TANGO6: variants seen among roughly 807,000 people sequenced by gnomAD.
TANGO6 encodes the protein transport and golgi organization 6 homolog.
TANGO6 carries 90 observed loss-of-function variants against 114.2 expected under a neutral mutation model. The ratio of observed to expected loss-of-function variants is 0.79; its 90% CI spans 0.66 to 0.94. The LOEUF is 0.94. Among genes scored for constraint, TANGO6 ranks in the 40% least tolerant of loss-of-function variants. The pLI is 0.00. For missense variants in TANGO6, 1,274 were observed against 1,315.3 expected (o/e 0.97, Z 0.49); for synonymous variants, 477 against 509.8 (o/e 0.94, Z 0.87).
At chr16:69,072,060 TGTGTGTGTAGAGAGAGGGAGACC>T (rs1400005051) in intron 17 of TANGO6, among the ~76,000 whole-genome samples, 26 of 142,910 alleles carry the variant, frequency 1.8e-4, no homozygotes, top group African/African-American at 5.1e-4. Context: ...TGTGTGTGTG[TGTGTGTGTAGAGAGAGGGAGACC>T]GTGTGTGTGT....
intron 11 of TANGO6, chr16:68,909,672 G>T: frequency 4.2e-6 from 1 of 238,806 alleles, no homozygotes; most frequent in Non-Finnish European, 7.9e-6. Context: ...TGTTATAGTA[G>T]TTTTCAACTT....
chr16:68,843,937 A>G (rs1961764112), intron 1 of TANGO6, among the ~76,000 whole-genome samples: 1 of 152,140 alleles, frequency 6.6e-6, no homozygotes, highest in African/African-American at 2.4e-5. Context: ...ATTAGCCAAC[A>G]TCTCTTGAGC....
intron 1 of TANGO6, among the ~76,000 whole-genome samples, chr16:68,854,933 A>C (rs1961960797): frequency 6.6e-6 from 1 of 152,062 alleles, no homozygotes; most frequent in Non-Finnish European, 1.5e-5. Flanking sequence ...CAATTTCTGC[A>C]AAAAGGTCTG....
intron 7 of TANGO6, among the ~76,000 whole-genome samples, chr16:68,891,657 T>C (rs1046876891): frequency 1.3e-5 from 2 of 152,318 alleles, no homozygotes; most frequent in Non-Finnish European, 2.9e-5. Flanking sequence ...ATATTGAAGT[T>C]AGATGCTGTA....
chr16:68,966,925 C>T (rs1963651879), intron 14 of TANGO6, among the ~76,000 whole-genome samples: 1 of 152,078 alleles, frequency 6.6e-6, no homozygotes, highest in South Asian at 2.1e-4. Flanking sequence ...GTATGCACCA[C>T]CATGCCCTGC....
At chr16:68,942,045 T>C (rs1963359848) in intron 14 of TANGO6, among the ~76,000 whole-genome samples, 1 of 151,778 alleles carries the variant, frequency 6.6e-6, no homozygotes, top group Non-Finnish European at 1.5e-5. Context: ...AAAAGTAATG[T>C]AGAGCCAGGC....
At chr16:68,970,667 CA>C (rs11291012) in intron 14 of TANGO6, among the ~76,000 whole-genome samples, 82,109 of 110,462 alleles carry the variant, frequency 0.74, 28,945 homozygotes, top group African/African-American at 0.82. Context: ...AACTTCGTCT[CA>C]AAAAAAAAAA....
At chr16:68,881,525 A>T (rs1274189577) in intron 7 of TANGO6, among the ~76,000 whole-genome samples, 1 of 152,242 alleles carries the variant, frequency 6.6e-6, no homozygotes, top group East Asian at 1.9e-4. Flanking sequence ...AAACAAACAA[A>T]CAAAAAAAGA....
At chr16:68,899,908 A>G (rs1313144095) in intron 7 of TANGO6, among the ~76,000 whole-genome samples, 1 of 152,120 alleles carries the variant, frequency 6.6e-6, no homozygotes, top group East Asian at 1.9e-4. Context: ...CCTACAGTAT[A>G]ATTTCTTTGA....
chr16:68,921,973 T>TTATC (rs1302689905), intron 12 of TANGO6, among the ~76,000 whole-genome samples: 1 of 152,168 alleles, frequency 6.6e-6, no homozygotes, highest in Non-Finnish European at 1.5e-5. Context: ...TAATGCTGGA[T>TTATC]TTTCTTTCTT....
chr16:69,041,713 T>C (rs1000634439), intron 17 of TANGO6, among the ~76,000 whole-genome samples: 3 of 152,216 alleles, frequency 2.0e-5, no homozygotes, highest in Non-Finnish European at 4.4e-5. Flanking sequence ...CTCCTCCACC[T>C]TGTATAGGTT....
intron 17 of TANGO6, 115 bp from the exon 18 acceptor site, chr16:69,083,370 A>G: frequency 7.7e-7 from 1 of 1,299,540 alleles, no homozygotes; most frequent in African/African-American, 1.5e-5. Context: ...CATTATCTTC[A>G]GGAAGTCTGT....
At chr16:68,965,191 G>C (rs936557721) in intron 14 of TANGO6, among the ~76,000 whole-genome samples, 1 of 151,398 alleles carries the variant, frequency 6.6e-6, no homozygotes, top group Non-Finnish European at 1.5e-5. Context: ...ATGGAGTCTC[G>C]CTCTGTCACC....
chr16:68,861,763 A>G (rs1429681694), intron 2 of TANGO6, among the ~76,000 whole-genome samples: 1 of 152,168 alleles, frequency 6.6e-6, no homozygotes, highest in Non-Finnish European at 1.5e-5. Flanking sequence ...CTGTGTTCTA[A>G]GTAGCACCCA....
At chr16:69,078,320 T>A (rs1211117518) in intron 17 of TANGO6, among the ~76,000 whole-genome samples, 1 of 152,196 alleles carries the variant, frequency 6.6e-6, no homozygotes, top group Non-Finnish European at 1.5e-5. Context: ...TCCATGCTGA[T>A]CAGGAATATC....
chr16:69,042,540 C>G (rs1365168160), intron 17 of TANGO6, among the ~76,000 whole-genome samples: 1 of 152,058 alleles, frequency 6.6e-6, no homozygotes, highest in African/African-American at 2.4e-5. Context: ...GAGTGAGTCT[C>G]CTTCTCAAAA....
At chr16:69,041,621 T>C (rs1680828209) in intron 17 of TANGO6, among the ~76,000 whole-genome samples, 1 of 152,184 alleles carries the variant, frequency 6.6e-6, no homozygotes, top group Admixed American at 6.6e-5. Context: ...GACTTGCTGT[T>C]GTTGCACCTC....
intron 9 of TANGO6, among the ~76,000 whole-genome samples, chr16:68,906,609 G>GTC (rs1186691419): frequency 1.3e-5 from 2 of 149,462 alleles, no homozygotes; most frequent in Non-Finnish European, 3.0e-5. Context: ...TTGCCATGTT[G>GTC]TCTATGTTAC....
intron 15 of TANGO6, among the ~76,000 whole-genome samples, chr16:68,979,094 A>T (rs951655919): frequency 2.0e-5 from 3 of 151,604 alleles, no homozygotes; most frequent in African/African-American, 7.3e-5. Flanking sequence ...TATTTATTAA[A>T]TTTTTTATAG....
Sources: gnomAD v4.1 joint callset for allele counts (sites outside exome capture counted in the v4.1 genomes callset) on GRCh38, gnomAD v4.1.1 for gene constraint, MANE v1.5 for transcripts, NCBI Gene and HGNC (gene_info 2026-07-23, HGNC 2026-07-21) for gene names.